Variants in PDE10A observed in about 807,000 individuals in gnomAD.
PDE10A encodes the protein phosphodiesterase 10A.
Under a neutral mutation model 97.7 loss-of-function variants are expected in PDE10A, and 39 were observed. The ratio of observed to expected loss-of-function variants is 0.40; its 90% CI spans 0.31 to 0.52. PDE10A has a LOEUF of 0.52. Among genes scored for constraint, PDE10A ranks in the 20% least tolerant of loss-of-function variants. PDE10A has a pLI of 0.56. For missense variants in PDE10A, 731 were observed against 1,047.8 expected, an observed-to-expected ratio of 0.70 and a Z score of 4.17; for synonymous variants, 371 against 376.8, an observed-to-expected ratio of 0.98 and a Z score of 0.18.
chr6:165,900,226 C>A (rs748217057), intron 1 of PDE10A, among the ~76,000 whole-genome samples: 8 of 152,200 alleles, frequency 5.3e-5, no homozygotes, highest in Non-Finnish European at 1.0e-4. Flanking sequence ...AATCCCAGCA[C>A]TTTGGGAGGC....
chr6:165,581,006 A>C (rs1311320221), intron 1 of PDE10A, among the ~76,000 whole-genome samples: 1 of 152,242 alleles, frequency 6.6e-6, no homozygotes, highest in Non-Finnish European at 1.5e-5. Flanking sequence ...GTTAAATTAT[A>C]TAATTTTTAG....
At chr6:165,808,903 C>G (rs983978969) in intron 1 of PDE10A, among the ~76,000 whole-genome samples, 6 of 152,134 alleles carry the variant, frequency 3.9e-5, no homozygotes, top group African/African-American at 1.4e-4. Context: ...AGAGATCTTT[C>G]CTTGCTAATT....
chr6:165,699,184 G>T (rs1358972161), intron 1 of PDE10A, among the ~76,000 whole-genome samples: 1 of 152,172 alleles, frequency 6.6e-6, no homozygotes, highest in African/African-American at 2.4e-5. Context: ...CAGGAAAGGT[G>T]AAGTGGCTGG....
chr6:165,471,520 A>C (rs1779005397), intron 3 of PDE10A, among the ~76,000 whole-genome samples: 1 of 152,130 alleles, frequency 6.6e-6, no homozygotes, highest in Non-Finnish European at 1.5e-5. Flanking sequence ...TCTCCAACTT[A>C]GCACATCCAA....
intron 2 of PDE10A, among the ~76,000 whole-genome samples, chr6:165,497,467 A>C (rs1431868555): frequency 1.3e-5 from 2 of 152,200 alleles, no homozygotes; most frequent in Non-Finnish European, 2.9e-5. Context: ...AGTATAACTA[A>C]TATTTACATA....
At position 165,576,601 on chromosome 6, in the gene PDE10A, T is replaced by C. The variant is rs562742093; in HGVS notation, c.866-33033A>G. ...CAGATAATTCTCAGCATGGCTACAC[T>C]TTAACCTACTTGAATCTTCTCCCTC... On this transcript the variant is annotated intron_variant, in intron 1 of 21. Coordinates refer to ENST00000539869, the MANE Select transcript of PDE10A (RefSeq NM_001385079.1). Among the ~76,000 whole-genome samples, 6 of 152,332 alleles carry C rather than the reference T, an allele frequency of 3.9e-5. No individual in the cohort carries two copies. In the East Asian group the frequency reaches 1.2e-3, roughly 29 times the overall value.
chr6:165,936,814 C>T lies in PDE10A; in HGVS notation c.-615+50715G>A, dbSNP rs191641867. On this transcript the variant is annotated intron_variant, in intron 1 of 19. Coordinates refer to the PDE10A transcript ENST00000366882. The stretch of plus-strand genomic sequence containing the variant: ...GAGCCTCATTGTTCCCCAATATTCT[C>T]TCTTTTTAACCCAATAGTGTGAATC... Among the ~76,000 whole-genome samples, 49 of 152,350 alleles carry T rather than the reference C, an allele frequency of 3.2e-4. No individual in the cohort carries two copies. The East Asian group carries it at 4.6e-3, about 14-fold the overall frequency.
At chr6:165,622,521 T>C (rs1212036558) in intron 1 of PDE10A, among the ~76,000 whole-genome samples, 1 of 152,212 alleles carries the variant, frequency 6.6e-6, no homozygotes, top group Non-Finnish European at 1.5e-5. Context: ...TAAGGATTTG[T>C]GTATCTAAAC....
chr6:165,594,573 TG>T (rs1256239236), intron 1 of PDE10A, among the ~76,000 whole-genome samples: 1 of 152,172 alleles, frequency 6.6e-6, no homozygotes, highest in Admixed American at 6.5e-5. Context: ...TAAATATAGA[TG>T]GAATAGTAGA....
At chr6:165,609,569 T>C (rs949065585) in intron 1 of PDE10A, among the ~76,000 whole-genome samples, 2 of 152,176 alleles carry the variant, frequency 1.3e-5, no homozygotes, top group African/African-American at 4.8e-5. Flanking sequence ...AGTCAAATTG[T>C]CCCTGTTTGC....
At chr6:165,935,248 C>T (rs1353734484) in intron 1 of PDE10A, among the ~76,000 whole-genome samples, 1 of 152,040 alleles carries the variant, frequency 6.6e-6, no homozygotes. Context: ...TGAGAAGACT[C>T]TAAATAGCGT....
chr6:165,854,831 G>T (rs1780674691), intron 1 of PDE10A, among the ~76,000 whole-genome samples: 1 of 152,206 alleles, frequency 6.6e-6, no homozygotes, highest in Admixed American at 6.5e-5. Flanking sequence ...CGTGGCCTTG[G>T]CGGCGCCCAC....
intron 1 of PDE10A, among the ~76,000 whole-genome samples, chr6:165,814,371 C>A (rs1355190364): frequency 6.6e-6 from 1 of 152,116 alleles, no homozygotes; most frequent in Non-Finnish European, 1.5e-5. Flanking sequence ...CCACACAGGG[C>A]CATTATGAAC....
intron 13 of PDE10A, among the ~76,000 whole-genome samples, chr6:165,401,543 C>T (rs1000943092): frequency 2.0e-5 from 3 of 152,290 alleles, no homozygotes; most frequent in Admixed American, 6.5e-5. Flanking sequence ...TTGCTGCAAA[C>T]GGCAAATCTG....
intron 1 of PDE10A, among the ~76,000 whole-genome samples, chr6:165,890,107 T>C (rs1781750852): frequency 6.9e-6 from 1 of 145,372 alleles, no homozygotes; most frequent in Non-Finnish European, 1.5e-5. Flanking sequence ...CACTCCTCAC[T>C]GACTTCTCCC....
chr6:165,816,759 C>G (rs974553705), intron 1 of PDE10A, among the ~76,000 whole-genome samples: 1 of 151,966 alleles, frequency 6.6e-6, no homozygotes, highest in Non-Finnish European at 1.5e-5. Flanking sequence ...GGGGCTCAGA[C>G]GGTGGAAAGA....
intron 17 of PDE10A, among the ~76,000 whole-genome samples, chr6:165,387,258 T>A (rs1343967394): frequency 6.6e-6 from 1 of 152,140 alleles, no homozygotes; most frequent in Non-Finnish European, 1.5e-5. Context: ...AGAAGATAAT[T>A]CGAAGAGCAC....
intron 1 of PDE10A, among the ~76,000 whole-genome samples, chr6:165,756,371 C>T (rs995963856): frequency 1.3e-5 from 2 of 152,024 alleles, no homozygotes; most frequent in Non-Finnish European, 2.9e-5. Flanking sequence ...GAACAGTCTC[C>T]CCATTTACGT....
intron 1 of PDE10A, among the ~76,000 whole-genome samples, chr6:165,737,731 A>G (rs1792613911): frequency 6.6e-6 from 1 of 152,200 alleles, no homozygotes; most frequent in African/African-American, 2.4e-5. Flanking sequence ...ATTTTCCTCT[A>G]AGATCACGAA....
Sources: gnomAD v4.1 joint callset for allele counts (sites outside exome capture counted in the v4.1 genomes callset) on GRCh38, gnomAD v4.1.1 for gene constraint, MANE v1.5 for transcripts, NCBI Gene and HGNC (gene_info 2026-07-23, HGNC 2026-07-21) for gene names.